TMEFF2: variants seen among roughly 807,000 people sequenced by gnomAD.
The protein encoded by TMEFF2 is transmembrane protein with EGF like and two follistatin like domains 2.
Under a neutral mutation model 53.8 loss-of-function variants are expected in TMEFF2, and 28 were observed. The ratio of observed to expected loss-of-function variants is 0.52; its 90% CI spans 0.39 to 0.71. The LOEUF (loss-of-function observed/expected upper bound fraction) is 0.71, where lower values mean the gene tolerates loss of function less well. Among genes scored for constraint, TMEFF2 ranks in the 30% least tolerant of loss-of-function variants. The pLI is 0.00. For missense variants in TMEFF2, 353 were observed against 455.2 expected (o/e 0.78, Z 2.04); for synonymous variants, 162 against 166.3 (o/e 0.97, Z 0.20).
chr2:192,025,438 C>G (rs1187223852), intron 5 of TMEFF2, among the ~76,000 whole-genome samples: 1 of 151,026 alleles, frequency 6.6e-6, no homozygotes, highest in Non-Finnish European at 1.5e-5. Context: ...CCCAAACTTG[C>G]TTCATAAGAA....
At chr2:191,996,015 T>TAAGA in intron 7 of TMEFF2, among the ~76,000 whole-genome samples, 1 of 145,704 alleles carries the variant, frequency 6.9e-6, no homozygotes, top group African/African-American at 2.5e-5. Context: ...AATAAAGCAG[T>TAAGA]AAGATAGGAA....
chr2:192,061,381 A>G (rs1263281243), intron 4 of TMEFF2, among the ~76,000 whole-genome samples: 1 of 152,178 alleles, frequency 6.6e-6, no homozygotes, highest in Non-Finnish European at 1.5e-5. Flanking sequence ...AATAATGCAG[A>G]AATAAAAAAT....
chr2:191,950,093 A>G lies in TMEFF2; in HGVS notation c.*218T>C, dbSNP rs1023385829. 3 of 1,303,218 alleles carry G rather than the reference A, an allele frequency of 2.3e-6. No individual in the cohort carries two copies. Among genetic ancestry groups the G allele is most frequent in the Non-Finnish European group, 2.0e-6 (2 of 1,019,874 alleles). The allele number at this position is 1,303,218 out of a possible 1,614,324, so 80.7% of individuals were successfully genotyped here. On this transcript the variant is annotated 3_prime_UTR_variant, in exon 10 of 10. Coordinates refer to ENST00000272771, the MANE Select transcript of TMEFF2 (RefSeq NM_016192.4). ...AAAAACTATATTGTGTGATATAAAT[A>G]GTTTATTTACATTACAGAAAAAACA...
chr2:192,106,174 C>T (rs897149620), intron 4 of TMEFF2, among the ~76,000 whole-genome samples: 1 of 151,446 alleles, frequency 6.6e-6, no homozygotes, highest in Non-Finnish European at 1.5e-5. Flanking sequence ...GAAAGGAATG[C>T]TAGGCATTCA....
chr2:192,025,335 G>T (rs1298476375), intron 5 of TMEFF2, among the ~76,000 whole-genome samples: 1 of 151,780 alleles, frequency 6.6e-6, no homozygotes, highest in Admixed American at 6.6e-5. Context: ...GCTGATGCTG[G>T]GTAAGGTCTT....
chr2:192,192,286 T>G (rs185352970), intron 1 of TMEFF2, among the ~76,000 whole-genome samples: 1 of 142,130 alleles, frequency 7.0e-6, no homozygotes, highest in Non-Finnish European at 1.6e-5. Flanking sequence ...AACATTTGCT[T>G]CCTGTTTTTT....
chr2:192,022,725 TGA>T (rs1686885162), intron 5 of TMEFF2, among the ~76,000 whole-genome samples: 1 of 152,208 alleles, frequency 6.6e-6, no homozygotes. Context: ...TAATCTGCAC[TGA>T]GTTTTTGTTT....
chr2:192,187,542 C>T (rs1327861948), intron 2 of TMEFF2, among the ~76,000 whole-genome samples: 3 of 152,124 alleles, frequency 2.0e-5, no homozygotes, highest in Admixed American at 6.5e-5. Flanking sequence ...CATGATACTG[C>T]TCAGTTTCAG....
intron 4 of TMEFF2, among the ~76,000 whole-genome samples, chr2:192,085,775 C>A (rs183022493): frequency 5.9e-4 from 90 of 151,496 alleles, no homozygotes; most frequent in Non-Finnish European, 9.4e-4. Flanking sequence ...TCAGAGAAAC[C>A]TAGCATACAA....
intron 4 of TMEFF2, among the ~76,000 whole-genome samples, chr2:192,126,845 C>CA (rs559698692): frequency 4.4e-4 from 66 of 149,452 alleles, no homozygotes; most frequent in African/African-American, 1.3e-3. Flanking sequence ...CAAAACAAAA[C>CA]AAACAAACAA....
chr2:191,949,638 C>T lies in TMEFF2; in HGVS notation c.*673G>A. 1.0e-6 allele frequency: 1 copy of T among 985,196 alleles called. No homozygotes were observed. The highest frequency in any genetic ancestry group is 1.2e-6 in the Non-Finnish European group (1 of 829,848). 61.0% of individuals were successfully genotyped at this position (985,196 alleles called of 1,614,324 possible). On this transcript the variant is annotated 3_prime_UTR_variant, in exon 10 of 10. Coordinates refer to ENST00000272771, the MANE Select transcript of TMEFF2 (RefSeq NM_016192.4). ...TCTAAGCTACTTCCCCAATAAAAACCAATATTTTCTTTCCCTCTCCTTTAT... is the reference window on the plus strand; with the variant it reads ...TCTAAGCTACTTCCCCAATAAAAACTAATATTTTCTTTCCCTCTCCTTTAT...
intron 4 of TMEFF2, among the ~76,000 whole-genome samples, chr2:192,162,446 T>C (rs557979700): frequency 6.6e-6 from 1 of 152,318 alleles, no homozygotes; most frequent in Non-Finnish European, 1.5e-5. Flanking sequence ...ACTCGTACCA[T>C]AGTGAAGATT....
At chr2:192,056,815 G>A (rs962883449) in intron 5 of TMEFF2, among the ~76,000 whole-genome samples, 1 of 152,094 alleles carries the variant, frequency 6.6e-6, no homozygotes, top group African/African-American at 2.4e-5. Context: ...TATAAAACAG[G>A]CTCCACAGAC....
intron 4 of TMEFF2, among the ~76,000 whole-genome samples, chr2:192,075,286 T>TATATATATATATATAA (rs1688384545): frequency 6.7e-5 from 1 of 15,026 alleles, no homozygotes; most frequent in Non-Finnish European, 1.1e-4. Flanking sequence ...ACAGTACTAT[T>TATATATATATATATAA]ATATATATAT....
intron 4 of TMEFF2, among the ~76,000 whole-genome samples, chr2:192,105,732 C>T (rs539517736): frequency 6.6e-6 from 1 of 152,028 alleles, no homozygotes; most frequent in Non-Finnish European, 1.5e-5. Context: ...AACATATATG[C>T]AGAAAATGGA....
Position 192,189,555 on chromosome 2 carries a change from C to CA in TMEFF2, c.282+2324dup, listed in dbSNP as rs58455898. Among the ~76,000 whole-genome samples the CA allele has an allele frequency of 9.0e-4, 37 of 41,112 alleles. 5 individuals carry two copies. Among genetic ancestry groups the CA allele is most frequent in the East Asian group, 4.6e-3 (5 of 1,086 alleles). 27.0% of individuals were successfully genotyped at this position (41,112 alleles called of 152,430 possible). A position where few individuals can be genotyped will look rare whatever the true frequency, so the allele number is the denominator to read the frequency against. ...GCAAGACCCTTGTCTCCAAAAATTC[C>CA]AAAAAAAAAAAAAGGAATGCACGCT... On this transcript the variant is annotated intron_variant, in intron 2 of 9. Transcript: ENST00000272771.
intron 7 of TMEFF2, among the ~76,000 whole-genome samples, chr2:191,974,725 C>T (rs1240788778): frequency 6.6e-6 from 1 of 151,752 alleles, no homozygotes; most frequent in Non-Finnish European, 1.5e-5. Flanking sequence ...AAAAGCTGCT[C>T]TAAAATATCA....
chr2:192,107,943 A>G (rs569395646), intron 4 of TMEFF2, among the ~76,000 whole-genome samples: 122 of 146,388 alleles, frequency 8.3e-4, no homozygotes, highest in African/African-American at 2.7e-3. Context: ...GATAGAAACA[A>G]TATAACTGTT....
At chr2:192,132,176 C>T (rs1689853691) in intron 4 of TMEFF2, among the ~76,000 whole-genome samples, 1 of 152,134 alleles carries the variant, frequency 6.6e-6, no homozygotes, top group African/African-American at 2.4e-5. Flanking sequence ...TTTTTATCAC[C>T]TCCCCTCCTC....
Sources: allele counts gnomAD v4.1 joint callset (sites outside exome capture counted in the v4.1 genomes callset), GRCh38; gene constraint gnomAD v4.1.1; transcripts MANE v1.5; gene names NCBI Gene and HGNC (gene_info 2026-07-23, HGNC 2026-07-21).